NTN1: variants seen among roughly 807,000 people sequenced by gnomAD.
NTN1 encodes the protein netrin 1, also known as netrin-1.
In NTN1, 11 loss-of-function variants were observed where a neutral mutation model predicts 54.2. The ratio of observed to expected loss-of-function variants is 0.20; its 90% CI spans 0.13 to 0.34. The LOEUF is 0.34. Ranked by LOEUF, NTN1 falls within the 10% of genes least tolerant of loss-of-function variation. The pLI is 1.00. For synonymous variants in NTN1, 371 were observed against 382.0 expected (o/e 0.97, Z 0.33); for missense variants, 740 against 893.1 (o/e 0.83, Z 2.18).
rs958256806 is a variant in NTN1 at position 9,241,066 on chromosome 17, C to G, written c.*1098C>G. 6.6e-6 allele frequency: 1 copy of G among 152,306 alleles called. No homozygotes were observed. The highest frequency in any genetic ancestry group is 2.4e-5 in the African/African-American group (1 of 41,438). The allele number at this position is 152,306 out of a possible 1,614,324, so 9.4% of individuals were successfully genotyped here. Reference sequence around the variant, plus strand: ...GAACGGGCTTGGAGTCTGCAGGCTGCGAAGGCACTTGGGCCTGGCTTGGGG... The same window carrying G: ...GAACGGGCTTGGAGTCTGCAGGCTGGGAAGGCACTTGGGCCTGGCTTGGGG... On this transcript the variant is annotated 3_prime_UTR_variant, in exon 7 of 7. Transcript: ENST00000173229.
In NTN1 at chr17:9,239,936, C is replaced by T; in HGVS notation, c.1783C>T (p.Arg595Cys). The T allele has an allele frequency of 7.5e-7, 1 of 1,328,976 alleles. No homozygotes were observed. Among genetic ancestry groups the T allele is most frequent in the Non-Finnish European group, 9.9e-7 (1 of 1,014,846 alleles). 82.3% of individuals were successfully genotyped at this position (1,328,976 alleles called of 1,614,324 possible). Residue 595 changes from arginine (R) to cysteine (C), a missense_variant, in exon 7 of 7, where the codon CGT becomes TGT. By Grantham distance (180) the Arg-to-Cys change is radical (BLOSUM62 -3). Coordinates refer to ENST00000173229, the MANE Select transcript of NTN1 (RefSeq NM_004822.3). The surrounding 1 kb of genome is among the most constrained non-coding windows in gnomAD (Gnocchi z 5.2). ...WARRLRKFQQ[R>C]EKKGKCKKA ...GCGGCGGCTGCGCAAGTTCCAGCAGCGTGAGAAGAAGGGCAAGTGCAAGAA... is the reference window on the plus strand; with the variant it reads ...GCGGCGGCTGCGCAAGTTCCAGCAGTGTGAGAAGAAGGGCAAGTGCAAGAA...
At chr17:9,023,439 G>C (rs1395030228) in intron 2 of NTN1, 48 bp downstream of exon 2, 3 of 1,340,218 alleles carry the variant, frequency 2.2e-6, no homozygotes, top group Non-Finnish European at 2.9e-6. Context: ...GGCCGCGGGC[G>C]GGAGCTGCTG....
intron 2 of NTN1, among the ~76,000 whole-genome samples, chr17:9,078,990 T>G (rs146379915): frequency 6.6e-6 from 1 of 152,368 alleles, no homozygotes; most frequent in East Asian, 1.9e-4. Context: ...CATCCAGGGA[T>G]GCCCCCATGG....
intron 2 of NTN1, among the ~76,000 whole-genome samples, chr17:9,080,894 T>C (rs543557308): frequency 6.6e-6 from 1 of 152,348 alleles, no homozygotes; most frequent in African/African-American, 2.4e-5. Context: ...CTCCTCGCCC[T>C]TCCCACATGT....
At chr17:9,076,747 A>T (rs1395348685) in intron 2 of NTN1, among the ~76,000 whole-genome samples, 1 of 152,204 alleles carries the variant, frequency 6.6e-6, no homozygotes, top group Non-Finnish European at 1.5e-5. Flanking sequence ...ATTCAACATG[A>T]ATACATAAAA....
chr17:9,233,458 G>C (rs1240164656), intron 6 of NTN1, among the ~76,000 whole-genome samples: 1 of 152,010 alleles, frequency 6.6e-6, no homozygotes, highest in Non-Finnish European at 1.5e-5. Flanking sequence ...TCTGCAAGGA[G>C]GGGCATCCGT....
rs147625569 is a variant in NTN1 at position 9,106,112 on chromosome 17, C to T, written c.1019-56701C>T. The stretch of plus-strand genomic sequence containing the variant: ...AATCTGCACATCAAAGTTGGAGAAG[C>T]GCTAAATAAACCACACTTCCTGGTC... On this transcript the variant is annotated intron_variant, in intron 2 of 6. Transcript: ENST00000173229. Among the ~76,000 whole-genome samples the T allele has an allele frequency of 7.4e-4, 112 of 152,230 alleles. 1 individual carries two copies. The highest frequency in any genetic ancestry group is 3.4e-3 in the Middle Eastern group (1 of 294).
intron 3 of NTN1, among the ~76,000 whole-genome samples, chr17:9,163,796 C>A (rs993916911): frequency 6.6e-6 from 1 of 152,158 alleles, no homozygotes; most frequent in Admixed American, 6.5e-5. Flanking sequence ...GGGCCCCCCC[C>A]ACCCCACAAA....
At chr17:9,127,401 G>C (rs946138798) in intron 2 of NTN1, among the ~76,000 whole-genome samples, 2 of 152,158 alleles carry the variant, frequency 1.3e-5, no homozygotes, top group African/African-American at 4.8e-5. Flanking sequence ...CCTTCTCAAG[G>C]GTTTGTGTGA....
At chr17:9,238,820 C>A (rs545884012) in intron 6 of NTN1, among the ~76,000 whole-genome samples, 4 of 152,326 alleles carry the variant, frequency 2.6e-5, no homozygotes, top group Non-Finnish European at 5.9e-5. Context: ...TCAATGACAT[C>A]GGCACCACTT....
In NTN1 at chr17:9,111,382, A is replaced by C. The variant is rs181967839; in HGVS notation, c.1019-51431A>C. On this transcript the variant is annotated intron_variant, in intron 2 of 6. Coordinates refer to ENST00000173229, the MANE Select transcript of NTN1 (RefSeq NM_004822.3). ...CCCACTAGACTAGGCAAATGCTATG[A>C]ATTTCAGAGAATAGCTAGCCTAAAA... 4.4e-3 allele frequency among the ~76,000 whole-genome samples: 673 copies of C among 152,308 alleles called. 2 individuals carry two copies. The highest frequency in any genetic ancestry group is 6.3e-3 in the Non-Finnish European group (428 of 68,030).
chr17:9,233,479 C>A (rs1324666036), intron 6 of NTN1, among the ~76,000 whole-genome samples: 1 of 152,034 alleles, frequency 6.6e-6, no homozygotes, highest in African/African-American at 2.4e-5. Context: ...CAGTTCCCAT[C>A]TACTCCTGCC....
chr17:9,090,160 C>T, intron 2 of NTN1, among the ~76,000 whole-genome samples: 1 of 151,454 alleles, frequency 6.6e-6, no homozygotes, highest in Non-Finnish European at 1.5e-5. Context: ...GGCTACCAAA[C>T]TCATCTTTTT....
chr17:9,128,725 G>A (rs936297676), intron 2 of NTN1, among the ~76,000 whole-genome samples: 2 of 152,170 alleles, frequency 1.3e-5, no homozygotes, highest in Non-Finnish European at 2.9e-5. Flanking sequence ...CCAATTCTGA[G>A]GGGTTCCTCT....
At chr17:9,035,821 A>T (rs1239495629) in intron 2 of NTN1, among the ~76,000 whole-genome samples, 46 of 152,164 alleles carry the variant, frequency 3.0e-4, no homozygotes, top group Admixed American at 2.9e-3. Context: ...CAGGAGTTCA[A>T]AACCAGCCTG....
intron 2 of NTN1, among the ~76,000 whole-genome samples, chr17:9,102,806 C>T (rs2142243556): frequency 6.6e-6 from 1 of 152,284 alleles, no homozygotes; most frequent in Non-Finnish European, 1.5e-5. Context: ...TATGAATAGC[C>T]TATAACTACA....
At position 9,114,006 on chromosome 17, in the gene NTN1, A is replaced by C. The variant is rs188319202; in HGVS notation, c.1019-48807A>C. On this transcript the variant is annotated intron_variant, in intron 2 of 6. Transcript: ENST00000173229. ...AGTGAAACCCATCTCTACTGAAAAT[A>C]CAAAAATTAGCCGGGCATGGTGGTG... Among the ~76,000 whole-genome samples the C allele has an allele frequency of 7.3e-5, 11 of 151,426 alleles. No homozygotes were observed. In the East Asian group the frequency reaches 2.1e-3, roughly 29 times the overall value.
chr17:9,228,820 CTGTGTGTGTGTGTGTGTGTG>C (rs10641432), intron 6 of NTN1, among the ~76,000 whole-genome samples: 201 of 141,408 alleles, frequency 1.4e-3, no homozygotes, highest in African/African-American at 5.1e-3. Context: ...ATCTGTTCAG[CTGTGTGTGTGTGTGTGTGTG>C]TGTGTGTGTG....
At chr17:9,147,812 A>G (rs567960691) in intron 2 of NTN1, among the ~76,000 whole-genome samples, 1 of 152,270 alleles carries the variant, frequency 6.6e-6, no homozygotes, top group Non-Finnish European at 1.5e-5. Context: ...CTTTCATTAA[A>G]TCTCATAGAC....
Sources: allele counts gnomAD v4.1 joint callset (sites outside exome capture counted in the v4.1 genomes callset), GRCh38; gene constraint gnomAD v4.1.1; non-coding constraint Gnocchi (gnomAD v3.1); transcripts MANE v1.5; gene names NCBI Gene and HGNC (gene_info 2026-07-23, HGNC 2026-07-21).